Variants in PITPNM3 observed in about 807,000 individuals in gnomAD.
PITPNM3 encodes the protein membrane-associated phosphatidylinositol transfer protein 3.
PITPNM3 carries 26 observed loss-of-function variants against 102.0 expected under a neutral mutation model. That is an observed-to-expected ratio of 0.25 (90% confidence interval 0.19 to 0.35). The LOEUF is 0.35. Among genes scored for constraint, PITPNM3 ranks in the 10% least tolerant of loss-of-function variants. The pLI is 1.00. For missense variants in PITPNM3, 1,083 were observed against 1,346.1 expected (o/e 0.80, Z 3.06); for synonymous variants, 578 against 558.6 (o/e 1.03, Z -0.49).
rs998614148 is a variant in PITPNM3, at chr17:6,452,511, C to T, written c.*2827G>A. 6.6e-6 allele frequency: 1 copy of T among 152,230 alleles called. No individual in the cohort carries two copies. The highest frequency in any genetic ancestry group is 6.5e-5 in the Admixed American group (1 of 15,276). 9.4% of individuals were successfully genotyped at this position (152,230 alleles called of 1,614,324 possible). On this transcript the variant is annotated 3_prime_UTR_variant, in exon 20 of 20. Coordinates refer to ENST00000262483, the MANE Select transcript of PITPNM3 (RefSeq NM_031220.4). Reference sequence around the variant, plus strand: ...AGCTGGATTGGGGGTCACAGAACTACTCAAGGAGAGGCAGCAGCACCCCCT... The same window carrying T: ...AGCTGGATTGGGGGTCACAGAACTATTCAAGGAGAGGCAGCAGCACCCCCT...
At position 6,455,171 on chromosome 17, in the gene PITPNM3, C is replaced by T. The variant is rs1914030386; in HGVS notation, c.*167G>A. Reference sequence around the variant, plus strand: ...TCACCCCGTCGCAGCTCAGGGAGCCCCCCGGGCTCGGGCAGGATCCCTCCC... The same window carrying T: ...TCACCCCGTCGCAGCTCAGGGAGCCTCCCGGGCTCGGGCAGGATCCCTCCC... On this transcript the variant is annotated 3_prime_UTR_variant, in exon 20 of 20. Transcript: ENST00000262483. 2.2e-6 allele frequency: 2 copies of T among 901,964 alleles called. No homozygotes were observed. Among genetic ancestry groups the T allele is most frequent in the Non-Finnish European group, 3.2e-6 (2 of 631,398 alleles). The allele number at this position is 901,964 out of a possible 1,614,324, so 55.9% of individuals were successfully genotyped here.
intron 1 of PITPNM3, among the ~76,000 whole-genome samples, chr17:6,550,304 C>T (rs1444615554): frequency 6.6e-6 from 1 of 152,216 alleles, no homozygotes; most frequent in Non-Finnish European, 1.5e-5. Context: ...GCCTCAGTGT[C>T]TCATTCATAA....
chr17:6,471,489 A>C (rs1905074476), intron 11 of PITPNM3, 134 bp from the exon 12 acceptor site: 1 of 874,750 alleles, frequency 1.1e-6, no homozygotes, highest in Non-Finnish European at 1.7e-6. Flanking sequence ...TTGCCAGCCC[A>C]GCAGGCACCT....
rs142106905 is a variant in PITPNM3, at chr17:6,468,181, G to A, written c.1890+44C>T. On this transcript the variant is annotated intron_variant, in intron 14 of 19. Coordinates refer to ENST00000262483, the MANE Select transcript of PITPNM3 (RefSeq NM_031220.4). The surrounding 1 kb of genome is among the most constrained non-coding windows in gnomAD (Gnocchi z 5.2). ...AGCCCCCGGGCCAGCCCCACCTCCC[G>A]GAGGACACAGTCCCAGCCACATGCG... is the stretch of plus-strand genomic sequence containing the variant. 944 of 1,589,444 alleles carry A rather than the reference G, an allele frequency of 5.9e-4. 10 individuals carry two copies. The East Asian group carries it at 0.017, about 29-fold the overall frequency.
chr17:6,493,164 G>C lies in PITPNM3; in HGVS notation c.275-8872C>G, dbSNP rs116341188. 6.4e-3 allele frequency among the ~76,000 whole-genome samples: 980 copies of C among 152,352 alleles called. 17 individuals are homozygous for C. Among genetic ancestry groups the C allele is most frequent in the African/African-American group, 0.022 (928 of 41,582 alleles). ...GCTACAAACAGCTTGAGTCAGGGTA[G>C]TGGGGCTGCCACAGTTACTTCTCAA... On this transcript the variant is annotated intron_variant, in intron 4 of 19. Coordinates refer to ENST00000262483, the MANE Select transcript of PITPNM3 (RefSeq NM_031220.4).
intron 4 of PITPNM3, among the ~76,000 whole-genome samples, chr17:6,492,209 GC>G (rs58768358): frequency 0.75 from 113,592 of 151,176 alleles, 42,951 homozygotes; most frequent in Middle Eastern, 0.85. Context: ...GACTACAGGC[GC>G]CCCCCCACCA....
At chr17:6,542,516 A>T (rs1270198494) in intron 1 of PITPNM3, among the ~76,000 whole-genome samples, 1 of 152,226 alleles carries the variant, frequency 6.6e-6, no homozygotes, top group Non-Finnish European at 1.5e-5. Context: ...AGGTTAGAAC[A>T]CGGGCTTTGG....
chr17:6,544,245 C>A (rs1001153662), intron 1 of PITPNM3, among the ~76,000 whole-genome samples: 1 of 152,216 alleles, frequency 6.6e-6, no homozygotes, highest in Non-Finnish European at 1.5e-5. Flanking sequence ...GAAAGGGAGG[C>A]CAGGCATGGT....
In PITPNM3 at chr17:6,484,202, G is replaced by C; in HGVS notation, c.351+14C>G. 1 of 1,596,876 alleles carries C rather than the reference G, an allele frequency of 6.3e-7. No individual in the cohort carries two copies. Among genetic ancestry groups the C allele is most frequent in the Non-Finnish European group, 8.6e-7 (1 of 1,164,710 alleles). ...TCTGAGTTGAGCCCAGACACCCTCC[G>C]AAGCCCAGCCTACCTCGCTGTCTTC... is the stretch of plus-strand genomic sequence containing the variant. On this transcript the variant is annotated intron_variant, in intron 5 of 19. Transcript: ENST00000262483.
At chr17:6,541,286 AGTGT>A (rs113549938) in intron 1 of PITPNM3, among the ~76,000 whole-genome samples, 14 of 145,710 alleles carry the variant, frequency 9.6e-5, no homozygotes, top group Middle Eastern at 3.5e-3. Flanking sequence ...ATATGCTAAG[AGTGT>A]GTGTGTGTGT....
At chr17:6,519,942 G>C (rs1218476261) in intron 3 of PITPNM3, among the ~76,000 whole-genome samples, 1 of 152,090 alleles carries the variant, frequency 6.6e-6, no homozygotes, top group East Asian at 1.9e-4. Context: ...TGTCACCAAA[G>C]TAGCAATATT....
intron 3 of PITPNM3, among the ~76,000 whole-genome samples, chr17:6,520,175 C>G (rs553448970): frequency 3.9e-5 from 6 of 152,272 alleles, no homozygotes; most frequent in African/African-American, 1.4e-4. Flanking sequence ...TTTACCCGAC[C>G]ATTACATAAA....
At chr17:6,481,111 C>A (rs1201741727) in intron 6 of PITPNM3, 1 of 152,310 alleles carries the variant, frequency 6.6e-6, no homozygotes, top group Non-Finnish European at 1.5e-5. Flanking sequence ...CAGAGAGAGC[C>A]CCTCTTCCAG....
intron 3 of PITPNM3, among the ~76,000 whole-genome samples, chr17:6,522,627 C>G (rs376602715): frequency 6.6e-6 from 1 of 152,212 alleles, no homozygotes; most frequent in East Asian, 1.9e-4. Context: ...CTGGCCAGAG[C>G]GTCCAGCATG....
chr17:6,457,844 A>T lies in PITPNM3; in HGVS notation c.2491-122T>A. 1 of 1,370,808 alleles carries T rather than the reference A, an allele frequency of 7.3e-7. No individual in the cohort carries two copies. The highest frequency in any genetic ancestry group is 1.0e-6 in the Non-Finnish European group (1 of 998,910). The allele number at this position is 1,370,808 out of a possible 1,614,324, so 84.9% of individuals were successfully genotyped here. Reference sequence around the variant, plus strand: ...TTTATGTGCACTCTGGTAGACTCCAAGCCATGGGGCCACCCTGTGTCAGGA... The same window carrying T: ...TTTATGTGCACTCTGGTAGACTCCATGCCATGGGGCCACCCTGTGTCAGGA... On this transcript the variant is annotated intron_variant, in intron 18 of 19. Transcript: ENST00000262483. This position sits in a 1 kb window ranked among gnomAD's most constrained non-coding sequence, Gnocchi z 4.7.
rs571735156 is a variant in PITPNM3, at chr17:6,476,899, G to A, written c.1085+130C>T. 5.5e-5 allele frequency: 63 copies of A among 1,135,940 alleles called. No homozygotes were observed. In the African/African-American group the frequency reaches 6.5e-4, roughly 12 times the overall value. The allele number at this position is 1,135,940 out of a possible 1,614,324, so 70.4% of individuals were successfully genotyped here. On this transcript the variant is annotated intron_variant, in intron 9 of 19. Transcript: ENST00000262483. ...CCTCAGTACAGGGCCGATGGCGAGT[G>A]GCCTTGGTCCCAGCATTTCAGTGCT...
intron 9 of PITPNM3, among the ~76,000 whole-genome samples, chr17:6,475,904 T>C (rs974096049): frequency 1.1e-4 from 17 of 152,208 alleles, no homozygotes; most frequent in Admixed American, 9.8e-4. Flanking sequence ...GAGATTTAAA[T>C]GTGCAGAGTC....
chr17:6,552,308 GC>G (rs1022421824), intron 1 of PITPNM3, among the ~76,000 whole-genome samples: 14 of 152,106 alleles, frequency 9.2e-5, no homozygotes, highest in African/African-American at 1.9e-4. Flanking sequence ...TGGGGACCTG[GC>G]CCCCACCCCC....
chr17:6,542,309 G>A lies in PITPNM3; in HGVS notation c.23-4227C>T, dbSNP rs370928844. Among the ~76,000 whole-genome samples the A allele has an allele frequency of 1.6e-4, 24 of 152,312 alleles. No homozygotes were observed. In the South Asian group the frequency reaches 2.3e-3, roughly 14 times the overall value. ...TGCGTAGAGGTGTCTAGTGTTACAC[G>A]AGCATCTGTCCCTGTGTCTGCTTGG... On this transcript the variant is annotated intron_variant, in intron 1 of 19. Transcript: ENST00000262483.
Sources: gnomAD v4.1 joint callset for allele counts (sites outside exome capture counted in the v4.1 genomes callset) on GRCh38, gnomAD v4.1.1 for gene constraint, Gnocchi (gnomAD v3.1) non-coding constraint, MANE v1.5 for transcripts, NCBI Gene and HGNC (gene_info 2026-07-23, HGNC 2026-07-21) for gene names.